The following OGFR variants were observed in gnomAD, a reference collection of about 807,000 sequenced individuals.
OGFR encodes the protein protein 7-60.
OGFR carries 18 observed loss-of-function variants against 33.6 expected under a neutral mutation model. That is an observed-to-expected ratio of 0.54 (90% CI 0.37 to 0.80). The LOEUF is 0.80. OGFR is among the 30% of genes least tolerant of loss of function. The pLI is 0.00. For synonymous variants in OGFR, 370 were observed against 400.7 expected (o/e 0.92, Z 0.91); for missense variants, 877 against 955.8 (o/e 0.92, Z 1.09).
chr20:62,811,741 G>A (rs1449304487), intron 6 of OGFR, 131 bp downstream of exon 6: 2 of 1,041,202 alleles, frequency 1.9e-6, no homozygotes, highest in African/African-American at 1.6e-5. Context: ...CCAAGGCCCT[G>A]AGTCCCCTCC....
intron 4 of OGFR, among the ~76,000 whole-genome samples, chr20:62,810,217 G>A (rs969068469): frequency 5.3e-5 from 8 of 152,318 alleles, no homozygotes; most frequent in African/African-American, 1.4e-4. Flanking sequence ...GGCCCTGTCC[G>A]CCCGGGCTGG....
intron 5 of OGFR, among the ~76,000 whole-genome samples, 171 bp from the exon 6 acceptor site, chr20:62,811,291 C>T (rs530499761): frequency 5.9e-5 from 9 of 152,272 alleles, no homozygotes; most frequent in Admixed American, 2.6e-4. Flanking sequence ...GAGGTCACAC[C>T]ATTGCACTCC....
intron 5 of OGFR, 117 bp downstream of exon 5, chr20:62,810,682 C>T: frequency 2.2e-6 from 2 of 921,664 alleles, no homozygotes; most frequent in Admixed American, 2.1e-5. Context: ...TCAGGGGTCC[C>T]TTGGAAGGCA....
In OGFR at chr20:62,805,772, C is replaced by T. The variant is rs118158028; in HGVS notation, c.171+742C>T. 1,440 of 152,912 alleles carry T rather than the reference C, an allele frequency of 9.4e-3. 14 individuals carry two copies. The highest frequency in any genetic ancestry group is 0.044 in the South Asian group (212 of 4,838). 9.5% of individuals were successfully genotyped at this position (152,912 alleles called of 1,614,324 possible). A position where few individuals can be genotyped will look rare whatever the true frequency, so the allele number is the denominator to read the frequency against. ...CGGGCAGTGAGAGAGCACGGAGGGG[C>T]TCCGCCCTGTCGCCGGGAGGGCAGC... On this transcript the variant is annotated intron_variant, in intron 1 of 6. Transcript: ENST00000290291.
intron 5 of OGFR, among the ~76,000 whole-genome samples, chr20:62,810,919 T>TA: frequency 6.6e-6 from 1 of 152,196 alleles, no homozygotes; most frequent in East Asian, 1.9e-4. Context: ...TGCAGGGACT[T>TA]AGAGAGCCGA....
chr20:62,812,107 A>G, intron 6 of OGFR, 123 bp from the exon 7 acceptor site: 1 of 815,682 alleles, frequency 1.2e-6, no homozygotes, highest in Non-Finnish European at 1.9e-6. Flanking sequence ...GGAGAGAGAG[A>G]CTGAATCGTG....
At chr20:62,807,937 G>A (rs1483191810) in intron 2 of OGFR, 1 of 599,712 alleles carries the variant, frequency 1.7e-6, no homozygotes, top group African/African-American at 1.9e-5. Flanking sequence ...CCTGTCTCCT[G>A]CAGGTTGTCC....
chr20:62,809,099 C>T (rs994048917), intron 3 of OGFR, among the ~76,000 whole-genome samples: 4 of 152,000 alleles, frequency 2.6e-5, no homozygotes, highest in Admixed American at 6.5e-5. Context: ...ATGCACGTGC[C>T]GGGCTGCAAC....
In OGFR at chr20:62,811,626, T is replaced by TGGGCCCCCCCCCCCCC; in HGVS notation, c.614+16_614+17insGGGCCCCCCCCCCCCC. 1 of 1,502,532 alleles carries TGGGCCCCCCCCCCCCC rather than the reference T, an allele frequency of 6.7e-7. No individual in the cohort carries two copies. Among genetic ancestry groups the TGGGCCCCCCCCCCCCC allele is most frequent in the African/African-American group, 1.4e-5 (1 of 71,438 alleles). The allele number at this position is 1,502,532 out of a possible 1,614,324, so 93.1% of individuals were successfully genotyped here. ...ACCTGAACTGGTGAGGCCCGGCTGC[T>TGGGCCCCCCCCCCCCC]CCCGCCCACCCCCACCCCGGCGCAG... On this transcript the variant is annotated intron_variant, in intron 6 of 6. Coordinates refer to ENST00000290291, the MANE Select transcript of OGFR (RefSeq NM_007346.4).
rs1267778250 is a variant in OGFR at position 62,804,934 on chromosome 20, C to A, written c.75C>A (p.Cys25Ter). ...EDAEDAEDEDCEDGEAAGARD... is the reference protein window; with the variant it reads ...EDAEDAEDED ...CGGAGGACGCGGAGGACGAGGACTGCGAGGACGGCGAGGCCGCCGGCGCGA... is the reference window on the plus strand; with the variant it reads ...CGGAGGACGCGGAGGACGAGGACTGAGAGGACGGCGAGGCCGCCGGCGCGA... The change falls in exon 1 of 7, where the codon TGC (cysteine) becomes TGA (stop). Residue 25 changes from cysteine (C) to a stop codon, truncating the protein, a stop_gained. Transcript: ENST00000290291. LOFTEE classifies it high-confidence loss of function. The A allele has an allele frequency of 2.0e-6, 3 of 1,492,618 alleles. No homozygotes were observed. Among genetic ancestry groups the A allele is most frequent in the Non-Finnish European group, 2.7e-6 (3 of 1,120,778 alleles). The allele number at this position is 1,492,618 out of a possible 1,614,324, so 92.5% of individuals were successfully genotyped here.
rs115835751 is a variant in OGFR at position 62,807,801 on chromosome 20, C to T, written c.240+196C>T. The T allele has an allele frequency of 1.7e-3, 1,074 of 620,246 alleles. 8 individuals are homozygous for T. In the African/African-American group the frequency reaches 0.018, roughly 10 times the overall value. 38.4% of individuals were successfully genotyped at this position (620,246 alleles called of 1,614,324 possible). On this transcript the variant is annotated intron_variant, in intron 2 of 6. Transcript: ENST00000290291. Reference sequence around the variant, plus strand: ...TTCCCCTCTCGCGGGAGACCGGGGGCATCCCCCTACTTTTCTGAGCTTCAG... The same window carrying T: ...TTCCCCTCTCGCGGGAGACCGGGGGTATCCCCCTACTTTTCTGAGCTTCAG...
chr20:62,810,469 T>C (rs1310821272), intron 4 of OGFR, 30 bp from the exon 5 acceptor site: 4 of 1,611,096 alleles, frequency 2.5e-6, no homozygotes, highest in Non-Finnish European at 3.4e-6. Context: ...GCTCTCCTAA[T>C]CCCTTGCCTG....
rs1368110566 is a variant in OGFR, at chr20:62,812,718, G to A, written c.1103G>A (p.Gly368Asp). 6 of 1,592,048 alleles carry A rather than the reference G, an allele frequency of 3.8e-6. No homozygotes were observed. The highest frequency in any genetic ancestry group is 1.3e-5 in the African/African-American group (1 of 74,556). The change falls in exon 7 of 7, where the codon GGC becomes GAC. Residue 368 changes from glycine (G) to aspartate (D), a missense_variant. Around this residue, in one of 3 missense-constraint regions of OGFR, gnomAD observed 760 missense variants for 736.0 expected, o/e 1.03. Transcript: ENST00000290291. ...LERSQGDEAG[G>D]HGEDRPEPLS... Reference sequence around the variant, plus strand: ...AGGAGCCAGGGGGATGAGGCAGGGGGCCACGGGGAAGATAGGCCGGAGCCC... The same window carrying A: ...AGGAGCCAGGGGGATGAGGCAGGGGACCACGGGGAAGATAGGCCGGAGCCC...
chr20:62,810,780 G>C (rs967866186), intron 5 of OGFR, among the ~76,000 whole-genome samples: 5 of 152,264 alleles, frequency 3.3e-5, no homozygotes, highest in Non-Finnish European at 7.3e-5. Context: ...CAATTTCCGA[G>C]GCTGTTTGTC....
In OGFR at chr20:62,812,226, G is replaced by A. The variant is rs779874030; in HGVS notation, c.615-4G>A. 6.2e-5 allele frequency: 92 copies of A among 1,492,374 alleles called. No homozygotes were observed. The highest frequency in any genetic ancestry group is 8.0e-5 in the South Asian group (6 of 74,746). 92.4% of individuals were successfully genotyped at this position (1,492,374 alleles called of 1,614,324 possible). ...TGACCTCTCCTGACCCGGATCTCTCGCAGGCGCAGCCACAACAACCTCCGC... is the reference window on the plus strand; with the variant it reads ...TGACCTCTCCTGACCCGGATCTCTCACAGGCGCAGCCACAACAACCTCCGC... On this transcript the variant is annotated splice_polypyrimidine_tract_variant and splice_region_variant and intron_variant, in intron 6 of 6. Coordinates refer to ENST00000290291, the MANE Select transcript of OGFR (RefSeq NM_007346.4).
At chr20:62,810,645 C>T (rs1990705307) in intron 5 of OGFR, 80 bp downstream of exon 5, 3 of 1,399,352 alleles carry the variant, frequency 2.1e-6, no homozygotes, top group South Asian at 2.3e-5. Flanking sequence ...ACGGGGTCGC[C>T]TCTGGCAGTA....
rs1229712081 is a variant in OGFR, at chr20:62,807,748, A to G, written c.240+143A>G. 7.8e-6 allele frequency: 6 copies of G among 768,558 alleles called. 1 individual carries two copies. In the South Asian group the frequency reaches 8.5e-5, roughly 11 times the overall value. The allele number at this position is 768,558 out of a possible 1,614,324, so 47.6% of individuals were successfully genotyped here. The stretch of plus-strand genomic sequence containing the variant: ...CTGGGCAGGACCCTGCCTGGGGCAC[A>G]GCCTGGTATAGATTCAGAGCCCTGC... On this transcript the variant is annotated intron_variant, in intron 2 of 6. Transcript: ENST00000290291.
At chr20:62,811,434 CT>C in intron 5 of OGFR, 27 bp from the exon 6 acceptor site, 1 of 1,607,450 alleles carries the variant, frequency 6.2e-7, no homozygotes, top group Non-Finnish European at 8.5e-7. Context: ...GGGATGGTGC[CT>C]GAGCTCTCCA....
At chr20:62,807,172 A>C (rs1990613929) in intron 1 of OGFR, 1 of 280,222 alleles carries the variant, frequency 3.6e-6, no homozygotes, top group African/African-American at 2.2e-5. Flanking sequence ...GGTGGCCAGC[A>C]GGCCTAGGAG....
Sources: allele counts gnomAD v4.1 joint callset (sites outside exome capture counted in the v4.1 genomes callset), GRCh38; gene constraint gnomAD v4.1.1; regional missense constraint gnomAD v4.1.1; transcripts MANE v1.5; gene names NCBI Gene and HGNC (gene_info 2026-07-23, HGNC 2026-07-21).